MTHFD2L: variants seen among roughly 807,000 people sequenced by gnomAD.
The protein encoded by MTHFD2L is methylenetetrahydrofolate dehydrogenase (NADP+ dependent) 2 like.
In MTHFD2L, 29 loss-of-function variants were observed where a neutral mutation model predicts 34.9. That is an observed-to-expected ratio of 0.83 (90% CI 0.62 to 1.13). MTHFD2L has a LOEUF of 1.13. Ranked by LOEUF, MTHFD2L falls within the 50% of genes most tolerant of loss-of-function variation. The pLI, the probability that MTHFD2L is intolerant of heterozygous loss-of-function variation, is 0.00. For missense variants in MTHFD2L, 481 were observed against 446.5 expected (o/e 1.08, Z -0.70); for synonymous variants, 167 against 155.7 (o/e 1.07, Z -0.54).
At chr4:74,245,939 C>T (rs1309849763) in intron 6 of MTHFD2L, among the ~76,000 whole-genome samples, 1 of 149,468 alleles carries the variant, frequency 6.7e-6, no homozygotes, top group Non-Finnish European at 1.5e-5. Context: ...AATAAACATA[C>T]GTGTGCATGT....
intron 7 of MTHFD2L, among the ~76,000 whole-genome samples, chr4:74,284,847 C>T (rs1473834169): frequency 2.0e-5 from 3 of 152,048 alleles, no homozygotes; most frequent in Non-Finnish European, 4.4e-5. Flanking sequence ...TGGGTATATA[C>T]CCAAAGGACT....
At chr4:74,298,560 G>A (rs1338652522) in intron 7 of MTHFD2L, among the ~76,000 whole-genome samples, 1 of 152,048 alleles carries the variant, frequency 6.6e-6, no homozygotes, top group African/African-American at 2.4e-5. Context: ...GGAAGAGGAA[G>A]ATAATGATAC....
At chr4:74,247,333 T>C (rs1461133538) in intron 6 of MTHFD2L, among the ~76,000 whole-genome samples, 1 of 151,552 alleles carries the variant, frequency 6.6e-6, no homozygotes, top group Non-Finnish European at 1.5e-5. Flanking sequence ...TGATTTTGTA[T>C]CCTGAGACTT....
chr4:74,232,001 A>G (rs1035798211), intron 6 of MTHFD2L, among the ~76,000 whole-genome samples: 7 of 152,232 alleles, frequency 4.6e-5, no homozygotes, highest in Admixed American at 1.3e-4. Flanking sequence ...CAAATATTCA[A>G]TAAGTGTTAT....
At chr4:74,265,336 A>G (rs1247571037) in intron 6 of MTHFD2L, among the ~76,000 whole-genome samples, 1 of 152,172 alleles carries the variant, frequency 6.6e-6, no homozygotes, top group Non-Finnish European at 1.5e-5. Flanking sequence ...ATCCTTATCC[A>G]GAGACCAGCA....
Position 74,266,222 on chromosome 4 carries a change from A to G in MTHFD2L, c.806-15203A>G, listed in dbSNP as rs531407304. Among the ~76,000 whole-genome samples the G allele has an allele frequency of 1.2e-4, 18 of 152,030 alleles. No homozygotes were observed. In the South Asian group the frequency reaches 3.8e-3, roughly 32 times the overall value. On this transcript the variant is annotated intron_variant, in intron 6 of 7. Transcript: ENST00000325278. ...CCAGAGGTTTCATATAAGTATCAAG[A>G]CATGGTAGGGGCATTTAGTTTTCAC...
chr4:74,238,854 A>G (rs1270991076), intron 6 of MTHFD2L, among the ~76,000 whole-genome samples: 1 of 152,212 alleles, frequency 6.6e-6, no homozygotes, highest in Non-Finnish European at 1.5e-5. Flanking sequence ...GCTGGAGAGG[A>G]TGTGGAGAAA....
intron 3 of MTHFD2L, among the ~76,000 whole-genome samples, chr4:74,188,206 A>G (rs573118995): frequency 2.4e-4 from 36 of 152,338 alleles, no homozygotes; most frequent in African/African-American, 8.4e-4. Context: ...TGCTTCATCT[A>G]TCATAAGAAA....
intron 3 of MTHFD2L, among the ~76,000 whole-genome samples, chr4:74,199,152 G>A (rs1201745768): frequency 1.3e-5 from 2 of 152,010 alleles, no homozygotes; most frequent in East Asian, 3.9e-4. Flanking sequence ...AAAATGAGAT[G>A]ATTGGCATCC....
chr4:74,172,861 G>A (rs1359629532), intron 1 of MTHFD2L, among the ~76,000 whole-genome samples: 1 of 152,148 alleles, frequency 6.6e-6, no homozygotes, highest in Non-Finnish European at 1.5e-5. Flanking sequence ...TTTCGATCAA[G>A]TTCTACCTAT....
chr4:74,170,613 C>T, intron 1 of MTHFD2L, among the ~76,000 whole-genome samples: 1 of 151,986 alleles, frequency 6.6e-6, no homozygotes, highest in East Asian at 1.9e-4. Flanking sequence ...AAATTAAGAA[C>T]TGTTCTAAAA....
intron 7 of MTHFD2L, among the ~76,000 whole-genome samples, chr4:74,290,973 G>T (rs1000458956): frequency 1.1e-4 from 14 of 132,234 alleles, no homozygotes; most frequent in South Asian, 2.7e-4. Context: ...TGTAAGATTA[G>T]CTTCCTGTCT....
chr4:74,217,173 TC>T (rs1024066834), intron 5 of MTHFD2L, among the ~76,000 whole-genome samples: 1 of 151,894 alleles, frequency 6.6e-6, no homozygotes, highest in Admixed American at 6.6e-5. Flanking sequence ...TTTCCTTTCT[TC>T]CTGAAATGCT....
intron 1 of MTHFD2L, among the ~76,000 whole-genome samples, chr4:74,125,714 T>C (rs1722019504): frequency 6.6e-6 from 1 of 152,164 alleles, no homozygotes; most frequent in Admixed American, 6.6e-5. Context: ...TTTTTAATAA[T>C]GGAAAATGTA....
chr4:74,202,980 T>C (rs1418098397), intron 5 of MTHFD2L, among the ~76,000 whole-genome samples: 3 of 152,168 alleles, frequency 2.0e-5, no homozygotes, highest in African/African-American at 7.2e-5. Flanking sequence ...ATACTTGTTT[T>C]AGGATCTTGA....
intron 6 of MTHFD2L, 117 bp from the exon 7 acceptor site, chr4:74,281,308 C>T (rs555102602): frequency 4.6e-6 from 4 of 875,328 alleles, no homozygotes; most frequent in African/African-American, 2.5e-5. Context: ...TTTTAAGGAA[C>T]AATGTATTAC....
intron 6 of MTHFD2L, among the ~76,000 whole-genome samples, chr4:74,235,322 G>A (rs1436511999): frequency 6.6e-6 from 1 of 152,170 alleles, no homozygotes; most frequent in African/African-American, 2.4e-5. Context: ...ACAGGAAGTA[G>A]ACTAGAAAGG....
At chr4:74,121,050 A>T (rs1191836301), upstream of MTHFD2L, among the ~76,000 whole-genome samples, 2 of 152,232 alleles carry the variant, frequency 1.3e-5, no homozygotes, top group Non-Finnish European at 2.9e-5. Context: ...GATTTTTGAC[A>T]TGTTCCAAAA....
In MTHFD2L at chr4:74,293,493, C is replaced by A. The variant is rs923068323; in HGVS notation, c.932-8204C>A. ...CTATTTCATTACTGACCACAGGATG[C>A]CACGATAATGAACATCTCAATATAT... is the stretch of plus-strand genomic sequence containing the variant. On this transcript the variant is annotated intron_variant, in intron 7 of 7. Transcript: ENST00000325278. 2.8e-5 allele frequency: 27 copies of A among 980,492 alleles called. No individual in the cohort carries two copies. The African/African-American group carries it at 4.6e-4, about 17-fold the overall frequency. 60.7% of individuals were successfully genotyped at this position (980,492 alleles called of 1,614,324 possible). A position where few individuals can be genotyped will look rare whatever the true frequency, so the allele number is the denominator to read the frequency against.
Sources: allele counts gnomAD v4.1 joint callset (sites outside exome capture counted in the v4.1 genomes callset), GRCh38; gene constraint gnomAD v4.1.1; transcripts MANE v1.5; gene names NCBI Gene and HGNC (gene_info 2026-07-23, HGNC 2026-07-21).